PLD1: variants seen among roughly 807,000 people sequenced by gnomAD.
The protein encoded by PLD1 is choline phosphatase 1.
Under a neutral mutation model 137.1 loss-of-function variants are expected in PLD1, and 112 were observed. That is an observed-to-expected ratio of 0.82 (90% CI 0.70 to 0.96). The LOEUF (loss-of-function observed/expected upper bound fraction) is 0.96. Ranked by LOEUF, PLD1 falls within the 40% of genes least tolerant of loss-of-function variation. The pLI is 0.00. For synonymous variants in PLD1, 431 were observed against 454.7 expected, an observed-to-expected ratio of 0.95 and a Z score of 0.66; for missense variants, 1,321 against 1,342.0, an observed-to-expected ratio of 0.98 and a Z score of 0.24.
chr3:171,735,481 A>C lies in PLD1; in HGVS notation c.434+11T>G. ...CTTGTATACTGGCATAATTAATTCCAAAATGGTTACCTTCTAGTGGGAATG... is the reference window on the plus strand; with the variant it reads ...CTTGTATACTGGCATAATTAATTCCCAAATGGTTACCTTCTAGTGGGAATG... On this transcript the variant is annotated intron_variant, in intron 4 of 26. Transcript: ENST00000351298. 1 of 1,611,200 alleles carries C rather than the reference A, an allele frequency of 6.2e-7. No homozygotes were observed. The highest frequency in any genetic ancestry group is 8.5e-7 in the Non-Finnish European group (1 of 1,177,386).
In PLD1 at chr3:171,688,887, A is replaced by G. The variant is rs1714850953; in HGVS notation, c.1339-11T>C. ...CGGGTGTCTCATCACCTTGAGAGGG[A>G]ATAATCCCCACTGATAATATGCTTT... is the stretch of plus-strand genomic sequence containing the variant. On this transcript the variant is annotated splice_polypyrimidine_tract_variant and intron_variant, in intron 13 of 26. Transcript: ENST00000351298. 7 of 1,598,156 alleles carry G rather than the reference A, an allele frequency of 4.4e-6. No homozygotes were observed. The East Asian group carries it at 1.6e-4, about 36-fold the overall frequency.
At chr3:171,656,583 T>C (rs1174488085) in intron 21 of PLD1, among the ~76,000 whole-genome samples, 4 of 152,240 alleles carry the variant, frequency 2.6e-5, no homozygotes, top group African/African-American at 9.6e-5. Context: ...CAGTATAAAA[T>C]ACCGGGGCCA....
chr3:171,641,905 C>G (rs1025273281), intron 23 of PLD1, among the ~76,000 whole-genome samples: 2 of 152,172 alleles, frequency 1.3e-5, no homozygotes, highest in African/African-American at 2.4e-5. Flanking sequence ...TGGATAAAAC[C>G]TAGCCTTCTT....
chr3:171,634,768 C>T (rs1734960611), intron 23 of PLD1, among the ~76,000 whole-genome samples: 1 of 152,098 alleles, frequency 6.6e-6, no homozygotes, highest in South Asian at 2.1e-4. Context: ...AAAATTCTTA[C>T]AATTTATAAA....
intron 1 of PLD1, among the ~76,000 whole-genome samples, chr3:171,766,292 G>A (rs867318603): frequency 1.3e-5 from 2 of 152,130 alleles, no homozygotes; most frequent in Middle Eastern, 3.4e-3. Context: ...TCCATGAATA[G>A]TTTTTCCCTT....
chr3:171,802,968 T>C (rs2108360218), intron 1 of PLD1, among the ~76,000 whole-genome samples: 1 of 152,272 alleles, frequency 6.6e-6, no homozygotes, highest in Middle Eastern at 3.4e-3. Context: ...ATCATCAAAC[T>C]CCCAAGGGAA....
At chr3:171,622,622 C>T (rs1356473253) in intron 23 of PLD1, among the ~76,000 whole-genome samples, 1 of 151,226 alleles carries the variant, frequency 6.6e-6, no homozygotes, top group African/African-American at 2.4e-5. Flanking sequence ...ACTTTCTTAA[C>T]ATGCTGAAAA....
rs574641011 is a variant in PLD1 at position 171,768,407 on chromosome 3, A to G, written c.-31-30325T>C. Among the ~76,000 whole-genome samples, 5 of 152,340 alleles carry G rather than the reference A, an allele frequency of 3.3e-5. No individual in the cohort carries two copies. The East Asian group carries it at 9.6e-4, about 29-fold the overall frequency. On this transcript the variant is annotated intron_variant, in intron 1 of 26. Transcript: ENST00000351298. ...TGGCACAGTTCATTTTAGTCAATACATGAAGCTGACAAGGCTATAAACTGC... is the reference window on the plus strand; with the variant it reads ...TGGCACAGTTCATTTTAGTCAATACGTGAAGCTGACAAGGCTATAAACTGC...
chr3:171,787,849 GA>G (rs1033453791), intron 1 of PLD1, among the ~76,000 whole-genome samples: 80 of 139,652 alleles, frequency 5.7e-4, no homozygotes, highest in Middle Eastern at 3.7e-3. Flanking sequence ...TTTTTTTTAA[GA>G]AAAAAAAAAC....
intron 7 of PLD1, among the ~76,000 whole-genome samples, chr3:171,725,508 T>G (rs1021531037): frequency 2.0e-5 from 3 of 152,200 alleles, no homozygotes; most frequent in Non-Finnish European, 4.4e-5. Flanking sequence ...AAAAAAAACT[T>G]TTTTTGAAAC....
At chr3:171,626,854 A>G (rs1054985373) in intron 23 of PLD1, among the ~76,000 whole-genome samples, 4 of 152,260 alleles carry the variant, frequency 2.6e-5, no homozygotes, top group African/African-American at 9.6e-5. Flanking sequence ...TGAAGGAAGC[A>G]CTAAACATGG....
chr3:171,778,470 A>T (rs1722662357), intron 1 of PLD1, among the ~76,000 whole-genome samples: 2 of 152,222 alleles, frequency 1.3e-5, no homozygotes, highest in South Asian at 2.1e-4. Flanking sequence ...GAGAGATGGC[A>T]TCTGGAGAGA....
At position 171,612,213 on chromosome 3, in the gene PLD1, C is replaced by T. The variant is rs1050171149; in HGVS notation, c.2882+66G>A. On this transcript the variant is annotated intron_variant, in intron 25 of 26. Transcript: ENST00000351298. This position sits in a 1 kb window ranked among gnomAD's most constrained non-coding sequence, Gnocchi z 4.1. ...GGATGACCCATGTGCTCAGGGCTAG[C>T]GGGGCTGGGTCCCAGCGACTGCTGC... 191 of 1,483,338 alleles carry T rather than the reference C, an allele frequency of 1.3e-4. No individual in the cohort carries two copies. The highest frequency in any genetic ancestry group is 1.2e-4 in the Non-Finnish European group (130 of 1,071,034). The allele number at this position is 1,483,338 out of a possible 1,614,324, so 91.9% of individuals were successfully genotyped here.
intron 18 of PLD1, among the ~76,000 whole-genome samples, chr3:171,675,117 G>A (rs920303484): frequency 3.3e-5 from 5 of 151,912 alleles, no homozygotes; most frequent in African/African-American, 1.2e-4. Flanking sequence ...ACTTCTCACA[G>A]TCCTGTTTTT....
intron 7 of PLD1, 90 bp downstream of exon 7, chr3:171,725,928 G>T: frequency 1.2e-6 from 1 of 852,902 alleles, no homozygotes; most frequent in Non-Finnish European, 2.0e-6. Flanking sequence ...GTAAAGCCAG[G>T]AGGACTCCAT....
rs1310951248 is a variant in PLD1 at position 171,674,544 on chromosome 3, C to A, written c.2185G>T (p.Glu729Ter). 1.2e-6 allele frequency: 2 copies of A among 1,611,306 alleles called. No individual in the cohort carries two copies. The highest frequency in any genetic ancestry group is 2.7e-5 in the African/African-American group (2 of 74,816). ...LLPKSQTTAH[E>*]LRYQVPGSVH... ...GACCCAGGCACTTGATATCTCAACT[C>A]ATGGGCTGTTGTTTGAGACTTTGGA... is the stretch of plus-strand genomic sequence containing the variant. The change falls in exon 19 of 27, where the codon GAG (glutamate) becomes TAG (stop). Residue 729 changes from glutamate (E) to a stop codon, truncating the protein, a stop_gained. Coordinates refer to ENST00000351298, the MANE Select transcript of PLD1 (RefSeq NM_002662.5). LOFTEE classifies it high-confidence loss of function.
chr3:171,613,901 T>C (rs910656402), intron 24 of PLD1, among the ~76,000 whole-genome samples: 1 of 152,314 alleles, frequency 6.6e-6, no homozygotes, highest in Admixed American at 6.5e-5. Context: ...TGACTGACTC[T>C]TCTTGTTCCT....
intron 8 of PLD1, among the ~76,000 whole-genome samples, chr3:171,715,387 G>A (rs1578341687): frequency 1.3e-5 from 2 of 152,188 alleles, no homozygotes; most frequent in South Asian, 2.1e-4. Flanking sequence ...GTCAGGTAGT[G>A]TAATGCCTCT....
rs200966333 is a variant in PLD1, at chr3:171,677,552, A to T, written c.1996+14T>A. 6.2e-7 allele frequency: 1 copy of T among 1,612,282 alleles called. No individual in the cohort carries two copies. On this transcript the variant is annotated intron_variant, in intron 17 of 26. Transcript: ENST00000351298. ...GACAAAATATAACCAGCACCCCACC[A>T]TTATGATACTCACCAGCAAAAGGTT...
Sources: gnomAD v4.1 joint callset for allele counts (sites outside exome capture counted in the v4.1 genomes callset) on GRCh38, gnomAD v4.1.1 for gene constraint, Gnocchi (gnomAD v3.1) non-coding constraint, MANE v1.5 for transcripts, NCBI Gene and HGNC (gene_info 2026-07-23, HGNC 2026-07-21) for gene names.